Variants in RAD52 observed in about 807,000 individuals in gnomAD.
RAD52 encodes RAD52 DNA repair protein.
A neutral mutation model predicts 55.5 loss-of-function variants in RAD52; 47 were observed. The observed-to-expected ratio is 0.85, with a 90% CI of 0.67 to 1.08. RAD52 has a LOEUF of 1.08. Ranked by LOEUF, RAD52 falls within the 50% of genes least tolerant of loss-of-function variation. The probability of loss-of-function intolerance (pLI) is 0.00; values close to 1 mark genes in which losing one functional copy is unlikely to be tolerated. For synonymous variants in RAD52, 184 were observed against 198.9 expected, an observed-to-expected ratio of 0.92 and a Z score of 0.63; for missense variants, 468 against 522.8, an observed-to-expected ratio of 0.90 and a Z score of 1.02.
intron 1 of RAD52, among the ~76,000 whole-genome samples, chr12:980,172 AGAGTGAGACTCCATCTTGGCCAGCG>A (rs1958992919): frequency 6.6e-6 from 1 of 151,830 alleles, no homozygotes; most frequent in Non-Finnish European, 1.5e-5. Context: ...CCTGGGCGAC[AGAGTGAGACTCCATCTTGGCCAGCG>A]GGGGGTGGAA....
intron 6 of RAD52, 21 bp from the exon 7 acceptor site, chr12:925,546 G>A (rs756343839): frequency 5.2e-6 from 8 of 1,549,150 alleles, no homozygotes; most frequent in Middle Eastern, 1.7e-4. Flanking sequence ...GAGAAAAAAA[G>A]GTGAAACAGG....
chr12:964,961 G>GGCTT (rs1555181830), intron 1 of RAD52, among the ~76,000 whole-genome samples: 22 of 73,984 alleles, frequency 3.0e-4, no homozygotes, highest in Admixed American at 1.1e-3. Flanking sequence ...CTGCCCGCCT[G>GGCTT]CCTGCCTTCC....
At chr12:938,034 C>T (rs1245525076) in intron 1 of RAD52, among the ~76,000 whole-genome samples, 1 of 152,156 alleles carries the variant, frequency 6.6e-6, no homozygotes, top group Non-Finnish European at 1.5e-5. Flanking sequence ...GTCAAACTTT[C>T]CTTTCCTGTC....
intron 1 of RAD52, chr12:975,983 T>C (rs1372679501): frequency 2.0e-5 from 3 of 152,234 alleles, no homozygotes; most frequent in Non-Finnish European, 4.4e-5. Flanking sequence ...ACCTCTGGCG[T>C]TCTCATCCTG....
intron 7 of RAD52, among the ~76,000 whole-genome samples, chr12:917,029 G>C (rs1350389607): frequency 6.6e-6 from 1 of 152,146 alleles, no homozygotes; most frequent in Non-Finnish European, 1.5e-5. Context: ...ATCCTTCTTT[G>C]GTTTTGACTT....
intron 1 of RAD52, among the ~76,000 whole-genome samples, chr12:985,620 C>T (rs1959075552): frequency 6.6e-6 from 1 of 152,080 alleles, no homozygotes; most frequent in Non-Finnish European, 1.5e-5. Context: ...GGTATGGGTT[C>T]AACTTCATTC....
At chr12:937,196 C>G (rs1366993788) in intron 1 of RAD52, among the ~76,000 whole-genome samples, 1 of 152,178 alleles carries the variant, frequency 6.6e-6, no homozygotes, top group African/African-American at 2.4e-5. Context: ...TTTAGGAGAA[C>G]AAGCAACCAA....
At chr12:948,668 T>TA (rs11571387) in intron 1 of RAD52, among the ~76,000 whole-genome samples, 15,119 of 151,946 alleles carry the variant, frequency 0.1, 944 homozygotes, top group Middle Eastern at 0.26. Context: ...CACTTTTTTT[T>TA]AAAAAAGGGA....
chr12:961,793 G>A (rs557661183), intron 1 of RAD52, among the ~76,000 whole-genome samples: 1 of 152,238 alleles, frequency 6.6e-6, no homozygotes, highest in East Asian at 1.9e-4. Flanking sequence ...AGCCTAGGAG[G>A]CAGAGGTTGC....
At chr12:951,725 CTTCCT>C (rs149411038), upstream of RAD52, among the ~76,000 whole-genome samples, 114,263 of 151,292 alleles carry the variant, frequency 0.76, 43,550 homozygotes, top group South Asian at 0.84. Context: ...ATCTTCATCA[CTTCCT>C]TTCTTCTGCT....
At chr12:985,141 ATTAATT>A (rs1170629636) in intron 1 of RAD52, among the ~76,000 whole-genome samples, 5 of 152,078 alleles carry the variant, frequency 3.3e-5, no homozygotes, top group Non-Finnish European at 7.4e-5. Flanking sequence ...ATGAAGTCCA[ATTAATT>A]TTATTTTTTT....
chr12:952,028 G>A (rs12317696), upstream of RAD52, among the ~76,000 whole-genome samples: 1,015 of 152,220 alleles, frequency 6.7e-3, 7 homozygotes, highest in African/African-American at 0.023. Context: ...CAGTGGCACG[G>A]TCATAGCTCG....
At position 916,719 on chromosome 12, in the gene RAD52, T is replaced by A; in HGVS notation, c.645A>T (p.Gly215=). Residue 215 remains glycine (G), a synonymous_variant, in exon 8 of 12, where the codon GGA becomes GGT. Coordinates refer to ENST00000358495, the MANE Select transcript of RAD52 (RefSeq NM_134424.4). The stretch of plus-strand genomic sequence containing the variant: ...AGGTCACCTGCTGCAGCTGTGGGTG[T>A]CCCAGGGCCATGTTCGGTCGGCAGC... The part of the protein sequence containing the change: ...YNSCRPNMAL[G]HPQLQQVTSP... The A allele has an allele frequency of 6.2e-7, 1 of 1,614,178 alleles. No individual in the cohort carries two copies. Among genetic ancestry groups the A allele is most frequent in the South Asian group, 1.1e-5 (1 of 91,076 alleles).
At chr12:944,080 G>T (rs188508708) in intron 1 of RAD52, among the ~76,000 whole-genome samples, 43 of 152,200 alleles carry the variant, frequency 2.8e-4, no homozygotes, top group African/African-American at 9.9e-4. Flanking sequence ...GCTGGGCCTG[G>T]TGGAATGTTC....
At chr12:950,567 G>A (rs1348382670), upstream of RAD52, among the ~76,000 whole-genome samples, 6 of 60,794 alleles carry the variant, frequency 9.9e-5, no homozygotes, top group Admixed American at 1.0e-3. Flanking sequence ...GCGAGGCTCC[G>A]TCTCAAAAAA....
At chr12:984,925 A>C (rs990565503) in intron 1 of RAD52, among the ~76,000 whole-genome samples, 1 of 152,060 alleles carries the variant, frequency 6.6e-6, no homozygotes, top group Non-Finnish European at 1.5e-5. Flanking sequence ...TCAGTCTCCC[A>C]AAGTGCTGGG....
At chr12:975,554 C>T (rs1958924539) in intron 1 of RAD52, 1 of 152,188 alleles carries the variant, frequency 6.6e-6, no homozygotes, top group Non-Finnish European at 1.5e-5. Context: ...CTATACATCC[C>T]AAACCAGAAG....
At chr12:929,549 C>A in intron 5 of RAD52, 1 of 659,936 alleles carries the variant, frequency 1.5e-6, no homozygotes, top group East Asian at 2.7e-5. Context: ...TCAGATTTTA[C>A]CATATGCCAA....
intron 7 of RAD52, among the ~76,000 whole-genome samples, chr12:923,832 C>A (rs930976014): frequency 2.6e-5 from 4 of 151,256 alleles, no homozygotes; most frequent in Non-Finnish European, 5.9e-5. Flanking sequence ...CCGAGGCAGG[C>A]GGATTACTTG....
Sources: allele counts gnomAD v4.1 joint callset (sites outside exome capture counted in the v4.1 genomes callset), GRCh38; gene constraint gnomAD v4.1.1; transcripts MANE v1.5; gene names NCBI Gene and HGNC (gene_info 2026-07-23, HGNC 2026-07-21).